Variants in EHMT1 observed in about 807,000 individuals in gnomAD.
The protein encoded by EHMT1 is euchromatic histone lysine methyltransferase 1.
In EHMT1, 15 loss-of-function variants were observed where a neutral mutation model predicts 147.2. The observed-to-expected ratio is 0.10, with a 90% CI of 0.07 to 0.16. The LOEUF (loss-of-function observed/expected upper bound fraction) is 0.16. Ranked by LOEUF, EHMT1 falls within the 10% of genes least tolerant of loss-of-function variation. EHMT1 has a pLI of 1.00. For synonymous variants in EHMT1, 795 were observed against 709.6 expected, an observed-to-expected ratio of 1.12 and a Z score of -1.91; for missense variants, 1,587 against 1,772.4, an observed-to-expected ratio of 0.90 and a Z score of 1.88.
chr9:137,749,579 T>G (rs897735923), intron 6 of EHMT1, among the ~76,000 whole-genome samples: 2 of 152,166 alleles, frequency 1.3e-5, no homozygotes, highest in Admixed American at 6.5e-5. Context: ...GGATTCTAGG[T>G]ATGAGCCATG....
chr9:137,700,108 A>G (rs1943712033), intron 1 of EHMT1, among the ~76,000 whole-genome samples: 2 of 152,230 alleles, frequency 1.3e-5, no homozygotes, highest in South Asian at 4.1e-4. Flanking sequence ...TTGTGAGGTC[A>G]CTGGCATGAA....
chr9:137,719,182 G>A (rs1279121260), intron 3 of EHMT1, among the ~76,000 whole-genome samples: 1 of 152,172 alleles, frequency 6.6e-6, no homozygotes. Context: ...TCTTGGACTT[G>A]ACACCTCCTG....
rs1954755795 is a variant in EHMT1, at chr9:137,814,378, G to A, written c.3181-53G>A. On this transcript the variant is annotated intron_variant, in intron 21 of 26. Transcript: ENST00000460843. ...GAAGACGTAGTTGTGACTGGGAGGGGAAATGGAAGGCCTGTGCCTGCACGT... is the reference window on the plus strand; with the variant it reads ...GAAGACGTAGTTGTGACTGGGAGGGAAAATGGAAGGCCTGTGCCTGCACGT... 3.2e-6 allele frequency: 5 copies of A among 1,582,018 alleles called. 1 individual carries two copies. In the South Asian group the frequency reaches 4.4e-5, roughly 14 times the overall value.
rs537477724 is a variant in EHMT1 at position 137,772,071 on chromosome 9, C to T, written c.1648-3038C>T. ...CCTGTGGGCACTGGGTATTAAATTG[C>T]GCTGAGAAAGTGCTACCTGTGTTCC... On this transcript the variant is annotated intron_variant, in intron 10 of 26. Coordinates refer to ENST00000460843, the MANE Select transcript of EHMT1 (RefSeq NM_024757.5). 1.2e-4 allele frequency among the ~76,000 whole-genome samples: 19 copies of T among 152,154 alleles called. No individual in the cohort carries two copies. The South Asian group carries it at 1.3e-3, about 10-fold the overall frequency.
intron 6 of EHMT1, chr9:137,745,600 G>C (rs906257730): frequency 5.0e-6 from 2 of 398,508 alleles, no homozygotes; most frequent in South Asian, 2.5e-4. Flanking sequence ...AGGACAGGCA[G>C]CCCTGACTGC....
chr9:137,677,365 A>G (rs1033007359), intron 1 of EHMT1, among the ~76,000 whole-genome samples: 1 of 151,640 alleles, frequency 6.6e-6, no homozygotes, highest in African/African-American at 2.4e-5. Flanking sequence ...GAACTCTTGG[A>G]CTCCAGGGAT....
chr9:137,805,749 G>A (rs1191372538), intron 18 of EHMT1, among the ~76,000 whole-genome samples: 3 of 150,442 alleles, frequency 2.0e-5, no homozygotes, highest in Admixed American at 6.6e-5. Flanking sequence ...TGTAACCTCC[G>A]CCTCCCGGGT....
At chr9:137,742,125 C>T (rs557593078) in intron 4 of EHMT1, among the ~76,000 whole-genome samples, 135 of 152,260 alleles carry the variant, frequency 8.9e-4, no homozygotes, top group African/African-American at 3.1e-3. Flanking sequence ...CTGGTGTGAT[C>T]GTTTCCCAGC....
intron 16 of EHMT1, among the ~76,000 whole-genome samples, chr9:137,797,089 C>T (rs778582684): frequency 6.6e-6 from 1 of 151,628 alleles, no homozygotes; most frequent in Admixed American, 6.6e-5. Flanking sequence ...TGATGAGTAA[C>T]GAATTCAGGA....
intron 2 of EHMT1, among the ~76,000 whole-genome samples, chr9:137,713,821 G>A (rs1010097192): frequency 3.3e-5 from 5 of 151,758 alleles, no homozygotes; most frequent in East Asian, 2.0e-4. Context: ...GTGGTGGCTC[G>A]CACCTATAAT....
At chr9:137,621,025 A>G (rs1441346507) in intron 1 of EHMT1, among the ~76,000 whole-genome samples, 1 of 152,336 alleles carries the variant, frequency 6.6e-6, no homozygotes, top group East Asian at 1.9e-4. Flanking sequence ...AGGCGCAGTG[A>G]GGCCCAAGAT....
intron 1 of EHMT1, among the ~76,000 whole-genome samples, chr9:137,692,986 C>T (rs1943072273): frequency 1.3e-5 from 2 of 152,248 alleles, no homozygotes; most frequent in African/African-American, 4.8e-5. Flanking sequence ...ATCGGCTGGA[C>T]GGCACCTCTG....
At chr9:137,809,535 G>A (rs1045049201) in intron 18 of EHMT1, among the ~76,000 whole-genome samples, 19 of 152,214 alleles carry the variant, frequency 1.2e-4, no homozygotes, top group African/African-American at 3.9e-4. Context: ...GCAGCAAAGC[G>A]GTCAGTCAGG....
At chr9:137,814,884 G>C (rs1435831948) in intron 22 of EHMT1, 1 of 403,776 alleles carries the variant, frequency 2.5e-6, no homozygotes, top group Non-Finnish European at 4.7e-6. Context: ...GTGCTGCCGG[G>C]CTGGGTACAG....
chr9:137,753,153 C>T (rs1949105715), intron 7 of EHMT1, among the ~76,000 whole-genome samples: 1 of 151,932 alleles, frequency 6.6e-6, no homozygotes, highest in Non-Finnish European at 1.5e-5. Flanking sequence ...CTGTCTGTGC[C>T]GTGGGGGGAA....
intron 1 of EHMT1, among the ~76,000 whole-genome samples, chr9:137,695,659 G>C (rs1023626669): frequency 3.3e-5 from 5 of 152,324 alleles, no homozygotes; most frequent in Admixed American, 1.3e-4. Context: ...TTCTTGGCTA[G>C]GGCACCCATG....
chr9:137,818,169 A>T (rs1167444791), intron 25 of EHMT1, 31 bp downstream of exon 25: 1 of 1,610,412 alleles, frequency 6.2e-7, no homozygotes, highest in Non-Finnish European at 8.5e-7. Context: ...GGGGCCACGC[A>T]GAACTTGTGA....
At position 137,830,882 on chromosome 9, in the gene EHMT1, G is replaced by A. The variant is rs549717276; in HGVS notation, c.3541-3467G>A. ...TGTTCTCTGTATTCTGTTTCCTGCT[G>A]TCTTAGTCCATTCGAGCTGTGATAG... On this transcript the variant is annotated intron_variant, in intron 25 of 26. Transcript: ENST00000460843. 2.0e-3 allele frequency among the ~76,000 whole-genome samples: 299 copies of A among 152,314 alleles called. 1 individual carries two copies. Among genetic ancestry groups the A allele is most frequent in the Non-Finnish European group, 3.7e-3 (251 of 68,034 alleles).
intron 25 of EHMT1, among the ~76,000 whole-genome samples, chr9:137,831,086 T>TG (rs1956156202): frequency 6.6e-6 from 1 of 152,150 alleles, no homozygotes; most frequent in Non-Finnish European, 1.5e-5. Context: ...AGCAGTTCTC[T>TG]GGGGTCCCTT....
Sources: allele counts gnomAD v4.1 joint callset (sites outside exome capture counted in the v4.1 genomes callset), GRCh38; gene constraint gnomAD v4.1.1; transcripts MANE v1.5; gene names NCBI Gene and HGNC (gene_info 2026-07-23, HGNC 2026-07-21).